Variants in ASTN2 observed in about 807,000 individuals in gnomAD.
ASTN2 encodes the protein astrotactin 2.
Under a neutral mutation model 139.8 loss-of-function variants are expected in ASTN2, and 54 were observed. That is an observed-to-expected ratio of 0.39 (90% CI 0.31 to 0.48). The LOEUF (loss-of-function observed/expected upper bound fraction) is 0.48, where lower values mean the gene tolerates loss of function less well. Ranked by LOEUF, ASTN2 falls within the 20% of genes least tolerant of loss-of-function variation. The probability of loss-of-function intolerance (pLI) is 0.95; values close to 1 mark genes in which losing one functional copy is unlikely to be tolerated. For synonymous variants in ASTN2, 756 were observed against 719.5 expected (o/e 1.05, Z -0.81); for missense variants, 1,565 against 1,725.1 (o/e 0.91, Z 1.64).
At chr9:116,476,149 G>A (rs12005611) in intron 20 of ASTN2, among the ~76,000 whole-genome samples, 5,851 of 152,140 alleles carry the variant, frequency 0.038, 362 homozygotes, top group African/African-American at 0.14. Context: ...TCTCAGCTTC[G>A]GATGGCCCGA....
chr9:117,357,437 G>C (rs1223641946), intron 1 of ASTN2, among the ~76,000 whole-genome samples: 1 of 151,976 alleles, frequency 6.6e-6, no homozygotes, highest in East Asian at 2.0e-4. Context: ...GAACTAATGA[G>C]GATTCACAGA....
chr9:117,171,169 G>GAAAAT, intron 3 of ASTN2, among the ~76,000 whole-genome samples: 1 of 151,902 alleles, frequency 6.6e-6, no homozygotes, highest in South Asian at 2.1e-4. Flanking sequence ...AAGAAAAAAA[G>GAAAAT]AAAAGAAAAG....
At chr9:117,160,131 G>A (rs1006803218) in intron 3 of ASTN2, among the ~76,000 whole-genome samples, 3 of 151,974 alleles carry the variant, frequency 2.0e-5, no homozygotes, top group African/African-American at 7.2e-5. Context: ...AACATCAATA[G>A]GATGGGAAAG....
At chr9:116,702,000 T>C (rs1661299) in intron 16 of ASTN2, among the ~76,000 whole-genome samples, 17,584 of 151,850 alleles carry the variant, frequency 0.12, 1,079 homozygotes, top group East Asian at 0.15. Context: ...TGAAGCAGGT[T>C]TGTGCCGCTG....
intron 19 of ASTN2, among the ~76,000 whole-genome samples, chr9:116,503,936 C>G (rs1038694700): frequency 6.6e-6 from 1 of 152,120 alleles, no homozygotes; most frequent in South Asian, 2.1e-4. Context: ...CAGTCCATAT[C>G]ACAGTTCTGC....
intron 13 of ASTN2, among the ~76,000 whole-genome samples, chr9:116,774,489 AG>A (rs1830031623): frequency 6.6e-6 from 1 of 152,294 alleles, no homozygotes; most frequent in Middle Eastern, 3.4e-3. Context: ...CTGTGGTGCT[AG>A]GTACAATGCT....
chr9:116,919,193 T>C (rs531732499), intron 10 of ASTN2, among the ~76,000 whole-genome samples: 1 of 152,320 alleles, frequency 6.6e-6, no homozygotes, highest in Admixed American at 6.5e-5. Context: ...AGTTCCCAGC[T>C]TACCTGATTG....
intron 19 of ASTN2, chr9:116,546,710 T>C (rs1852109862): frequency 1.3e-5 from 2 of 152,212 alleles, no homozygotes; most frequent in Admixed American, 1.3e-4. Context: ...GTAAATAGCA[T>C]CTAGGGTCAT....
intron 19 of ASTN2, among the ~76,000 whole-genome samples, chr9:116,530,094 GATATATATATATAT>G (rs3984942): frequency 2.4e-3 from 121 of 51,028 alleles, no homozygotes; most frequent in African/African-American, 3.6e-3. Flanking sequence ...GATAAAGTGT[GATATATATATATAT>G]ATATATATAT....
At chr9:117,221,916 C>A (rs1304994741) in intron 2 of ASTN2, among the ~76,000 whole-genome samples, 1 of 151,928 alleles carries the variant, frequency 6.6e-6, no homozygotes. Context: ...CACAAACCAT[C>A]CTAAAATAGT....
chr9:116,747,947 C>T (rs971340322), intron 13 of ASTN2, among the ~76,000 whole-genome samples: 12 of 152,148 alleles, frequency 7.9e-5, no homozygotes, highest in Admixed American at 2.6e-4. Flanking sequence ...TTGGCCACTT[C>T]GCCCTCCATC....
chr9:116,522,774 T>G (rs953141929), intron 19 of ASTN2, among the ~76,000 whole-genome samples: 2 of 152,162 alleles, frequency 1.3e-5, no homozygotes, highest in Non-Finnish European at 2.9e-5. Context: ...TGTACAGATT[T>G]GAAAACTGAG....
chr9:116,970,109 C>T lies in ASTN2; in HGVS notation c.1889+5099G>A, dbSNP rs190334184. Among the ~76,000 whole-genome samples, 20 of 152,336 alleles carry T rather than the reference C, an allele frequency of 1.3e-4. No individual in the cohort carries two copies. The East Asian group carries it at 3.7e-3, about 28-fold the overall frequency. ...TCTCCACTGTGCATGTCAAATCTCA[C>T]TGTGCTTCTTTCTTATAAGGGTACT... On this transcript the variant is annotated intron_variant, in intron 10 of 22. Transcript: ENST00000313400.
In ASTN2 at chr9:116,976,172, T is replaced by C. The variant is rs1196451177; in HGVS notation, c.1693A>G (p.Thr565Ala). Residue 565 changes from threonine to alanine, a missense_variant, in exon 9 of 23, where the codon ACA (threonine) becomes GCA (alanine). Thr to Ala is a moderately conservative substitution (Grantham distance 58, BLOSUM62 0). This residue lies in a region of ASTN2 where 503 missense variants were observed against 591.7 expected (regional missense o/e 0.85). Transcript: ENST00000313400. ...GQSEGPWPYT[T>A]LERGYDLVTG... Reference sequence around the variant, plus strand: ...ACCAGATCATAGCCCCTCTCAAGTGTCGTGTAGGGCCAAGGTCTATGGGAA... The same window carrying C: ...ACCAGATCATAGCCCCTCTCAAGTGCCGTGTAGGGCCAAGGTCTATGGGAA... The C allele has an allele frequency of 6.2e-7, 1 of 1,614,066 alleles. No homozygotes were observed. Among genetic ancestry groups the C allele is most frequent in the Middle Eastern group, 1.6e-4 (1 of 6,062 alleles).
chr9:117,086,101 T>A (rs1828553332), intron 5 of ASTN2, among the ~76,000 whole-genome samples: 1 of 152,214 alleles, frequency 6.6e-6, no homozygotes, highest in Non-Finnish European at 1.5e-5. Context: ...TAATACAGTT[T>A]CTTCTGTTCT....
In ASTN2 at chr9:116,986,279, C is replaced by T. The variant is rs77056056; in HGVS notation, c.1592-9494G>A. 3.4e-3 allele frequency among the ~76,000 whole-genome samples: 511 copies of T among 151,972 alleles called. 1 individual carries two copies. Among genetic ancestry groups the T allele is most frequent in the Non-Finnish European group, 3.4e-3 (229 of 67,994 alleles). On this transcript the variant is annotated intron_variant, in intron 7 of 22. Transcript: ENST00000313400. ...TAGTTCCTCCTTTTCTCCTCCCGAC[C>T]GGATTCATCTCTGGTCCAGATCTTA...
chr9:116,863,572 T>A lies in ASTN2; in HGVS notation c.2040+11A>T. The A allele has an allele frequency of 6.2e-7, 1 of 1,613,344 alleles. No homozygotes were observed. The highest frequency in any genetic ancestry group is 1.1e-5 in the South Asian group (1 of 90,966). On this transcript the variant is annotated intron_variant, in intron 11 of 22. Transcript: ENST00000313400. ...GGCCACTGCCATGTTCCCGGGCCAATGGGCACTTACCACACATCCCGAGGA... is the reference window on the plus strand; with the variant it reads ...GGCCACTGCCATGTTCCCGGGCCAAAGGGCACTTACCACACATCCCGAGGA...
At chr9:117,008,677 A>T (rs1291014891) in intron 6 of ASTN2, among the ~76,000 whole-genome samples, 1 of 152,192 alleles carries the variant, frequency 6.6e-6, no homozygotes, top group Non-Finnish European at 1.5e-5. Flanking sequence ...CACCTGACTT[A>T]TTATAGGAAA....
chr9:117,282,825 T>C (rs1006567131), intron 2 of ASTN2, among the ~76,000 whole-genome samples: 3 of 148,522 alleles, frequency 2.0e-5, no homozygotes, highest in Non-Finnish European at 4.4e-5. Context: ...GTAAGGTGCA[T>C]GAGAAGTAAA....
Sources: allele counts gnomAD v4.1 joint callset (sites outside exome capture counted in the v4.1 genomes callset), GRCh38; gene constraint gnomAD v4.1.1; regional missense constraint gnomAD v4.1.1; transcripts MANE v1.5; gene names NCBI Gene and HGNC (gene_info 2026-07-23, HGNC 2026-07-21).